The following FBXL17 variants were observed in gnomAD, a reference collection of about 807,000 sequenced individuals.
FBXL17 encodes the protein F-box and leucine rich repeat protein 17.
In FBXL17, 22 loss-of-function variants were observed where a neutral mutation model predicts 66.2. The observed-to-expected ratio is 0.33, with a 90% CI of 0.24 to 0.47. The LOEUF (loss-of-function observed/expected upper bound fraction) is 0.47, where lower values mean the gene tolerates loss of function less well. Among genes scored for constraint, FBXL17 ranks in the 20% least tolerant of loss-of-function variants. The pLI is 1.00. For synonymous variants in FBXL17, 474 were observed against 400.5 expected, an observed-to-expected ratio of 1.18 and a Z score of -2.19; for missense variants, 878 against 948.2, an observed-to-expected ratio of 0.93 and a Z score of 0.97.
rs550361800 is a variant in FBXL17 at position 108,357,823 on chromosome 5, G to A, written c.1374+6915C>T. 1.9e-4 allele frequency among the ~76,000 whole-genome samples: 28 copies of A among 151,054 alleles called. No individual in the cohort carries two copies. The South Asian group carries it at 5.8e-3, about 31-fold the overall frequency. On this transcript the variant is annotated intron_variant, in intron 3 of 8. Transcript: ENST00000542267. ...AATGACACGTTTCTTAATAACACAT[G>A]GGTAAAAGAAGAAACTTCAGAAGAA...
Position 108,052,492 on chromosome 5 carries a change from G to A in FBXL17, c.1746-31491C>T, listed in dbSNP as rs1034250994. Among the ~76,000 whole-genome samples the A allele has an allele frequency of 4.6e-5, 7 of 152,078 alleles. No individual in the cohort carries two copies. The East Asian group carries it at 1.3e-3, about 29-fold the overall frequency. On this transcript the variant is annotated intron_variant, in intron 6 of 8. Transcript: ENST00000542267. ...AATACCTAGCAATACAGCTAACAAGGGATGTGAAGGACCTCTTCAAGGAGA... is the reference window on the plus strand; with the variant it reads ...AATACCTAGCAATACAGCTAACAAGAGATGTGAAGGACCTCTTCAAGGAGA...
At chr5:108,323,081 T>C (rs984716885) in intron 4 of FBXL17, among the ~76,000 whole-genome samples, 1 of 151,700 alleles carries the variant, frequency 6.6e-6, no homozygotes, top group African/African-American at 2.4e-5. Context: ...CTACTTAACA[T>C]AGTACTGAAA....
chr5:108,358,462 A>G (rs557863143), intron 3 of FBXL17, among the ~76,000 whole-genome samples: 1 of 151,570 alleles, frequency 6.6e-6, no homozygotes, highest in East Asian at 1.9e-4. Context: ...TTTTCCTTTC[A>G]TTCTCTTAAT....
intron 6 of FBXL17, among the ~76,000 whole-genome samples, chr5:108,044,207 TC>T (rs1187095210): frequency 5.9e-5 from 9 of 152,234 alleles, no homozygotes; most frequent in South Asian, 2.1e-4. Flanking sequence ...GGCTAGAACT[TC>T]CAGTACTATA....
intron 7 of FBXL17, among the ~76,000 whole-genome samples, chr5:107,969,716 T>C (rs1377346328): frequency 6.6e-6 from 1 of 152,162 alleles, no homozygotes; most frequent in Non-Finnish European, 1.5e-5. Context: ...TTGGCATTTT[T>C]CAAGAACTAC....
chr5:108,219,413 T>C (rs995752195), intron 5 of FBXL17, among the ~76,000 whole-genome samples: 6 of 152,142 alleles, frequency 3.9e-5, no homozygotes, highest in African/African-American at 9.7e-5. Context: ...TGGCTGGATG[T>C]GGTTGCTCAC....
At chr5:108,352,558 T>C (rs1426244095) in intron 3 of FBXL17, among the ~76,000 whole-genome samples, 1 of 152,216 alleles carries the variant, frequency 6.6e-6, no homozygotes, top group Admixed American at 6.5e-5. Flanking sequence ...TCGCCCAGGC[T>C]GGAGTGCAGT....
intron 5 of FBXL17, among the ~76,000 whole-genome samples, chr5:108,222,528 T>C (rs2150074085): frequency 6.6e-6 from 1 of 152,288 alleles, no homozygotes; most frequent in Middle Eastern, 3.4e-3. Flanking sequence ...GCTCTGATCC[T>C]CACAATAAAA....
At chr5:108,347,352 C>T (rs1747347703) in intron 4 of FBXL17, among the ~76,000 whole-genome samples, 1 of 152,122 alleles carries the variant, frequency 6.6e-6, no homozygotes, top group South Asian at 2.1e-4. Context: ...CCACTGTTAA[C>T]CCAAACATTG....
rs367678133 is a variant in FBXL17, at chr5:107,885,573, T to C, written c.1823-4394A>G. Among the ~76,000 whole-genome samples the C allele has an allele frequency of 4.6e-5, 7 of 152,186 alleles. No homozygotes were observed. In the East Asian group the frequency reaches 9.6e-4, roughly 21 times the overall value. On this transcript the variant is annotated intron_variant, in intron 7 of 8. Coordinates refer to ENST00000542267, the MANE Select transcript of FBXL17 (RefSeq NM_001163315.3). ...ATAACCACACAACTGAATAATACTATGCCACTCTAAAAATATGAATAAGGA... is the reference window on the plus strand; with the variant it reads ...ATAACCACACAACTGAATAATACTACGCCACTCTAAAAATATGAATAAGGA...
At chr5:108,364,428 T>C (rs572145199) in intron 3 of FBXL17, among the ~76,000 whole-genome samples, 13 of 152,052 alleles carry the variant, frequency 8.5e-5, no homozygotes, top group Admixed American at 8.5e-4. Flanking sequence ...TTTTAAAACC[T>C]CATGCTGACC....
intron 6 of FBXL17, among the ~76,000 whole-genome samples, chr5:108,145,695 G>C (rs960596258): frequency 6.6e-6 from 1 of 152,076 alleles, no homozygotes. Flanking sequence ...AGTGAGGTCA[G>C]TTTTGAAGAG....
chr5:108,222,628 T>C (rs1359598938), intron 5 of FBXL17, among the ~76,000 whole-genome samples: 1 of 149,594 alleles, frequency 6.7e-6, no homozygotes, highest in Non-Finnish European at 1.5e-5. Context: ...TTTCTTAAAA[T>C]CAAACTTCGT....
intron 6 of FBXL17, among the ~76,000 whole-genome samples, chr5:108,082,356 G>T (rs1365114102): frequency 6.6e-6 from 1 of 152,082 alleles, no homozygotes; most frequent in Non-Finnish European, 1.5e-5. Flanking sequence ...CTTCTCTCTA[G>T]CATGGTGATA....
intron 3 of FBXL17, among the ~76,000 whole-genome samples, chr5:108,362,262 C>T (rs1469468585): frequency 6.6e-6 from 1 of 152,132 alleles, no homozygotes; most frequent in East Asian, 1.9e-4. Context: ...AAAAAGCCTA[C>T]AGTGACTTAT....
intron 4 of FBXL17, among the ~76,000 whole-genome samples, chr5:108,260,897 G>A (rs1756791066): frequency 2.0e-5 from 3 of 152,080 alleles, no homozygotes. Context: ...AAAAATCTGC[G>A]ATCCCCTGAT....
chr5:108,052,907 T>A (rs967344298), intron 6 of FBXL17, among the ~76,000 whole-genome samples: 2 of 152,066 alleles, frequency 1.3e-5, no homozygotes, highest in Admixed American at 1.3e-4. Flanking sequence ...TCTGCAAACA[T>A]CTGATCTTCA....
At chr5:107,946,256 TATATATATATATATATATATA>T (rs1475551764) in intron 7 of FBXL17, among the ~76,000 whole-genome samples, 3 of 16,476 alleles carry the variant, frequency 1.8e-4, no homozygotes, top group African/African-American at 2.8e-4. Context: ...AATCTCATTT[TATATATATATATATATATATA>T]TATATATATA....
intron 2 of FBXL17, 79 bp downstream of exon 2, chr5:108,367,752 A>T: frequency 8.4e-7 from 1 of 1,186,598 alleles, no homozygotes; most frequent in Non-Finnish European, 1.2e-6. Flanking sequence ...AAACAAGAAG[A>T]CAGTAAAGAT....
Sources: gnomAD v4.1 joint callset for allele counts (sites outside exome capture counted in the v4.1 genomes callset) on GRCh38, gnomAD v4.1.1 for gene constraint, MANE v1.5 for transcripts, NCBI Gene and HGNC (gene_info 2026-07-23, HGNC 2026-07-21) for gene names.